LHFPL3: variants seen among roughly 807,000 people sequenced by gnomAD.
The protein encoded by LHFPL3 is LHFPL tetraspan subfamily member 3.
In LHFPL3, 5 loss-of-function variants were observed where a neutral mutation model predicts 19.3. The ratio of observed to expected loss-of-function variants is 0.26; its 90% CI spans 0.14 to 0.54. The LOEUF (loss-of-function observed/expected upper bound fraction) is 0.54, where lower values mean the gene tolerates loss of function less well. Among genes scored for constraint, LHFPL3 ranks in the 20% least tolerant of loss-of-function variants. The pLI, the probability that LHFPL3 is intolerant of heterozygous loss-of-function variation, is 0.94. For missense variants in LHFPL3, 249 were observed against 307.4 expected (o/e 0.81, Z 1.42); for synonymous variants, 133 against 126.2 (o/e 1.05, Z -0.36).
At chr7:104,725,764 A>C (rs1319805107) in intron 1 of LHFPL3, among the ~76,000 whole-genome samples, 1 of 152,218 alleles carries the variant, frequency 6.6e-6, no homozygotes, top group Non-Finnish European at 1.5e-5. Context: ...TTTAAGAATT[A>C]TTCTCGGCAG....
intron 1 of LHFPL3, among the ~76,000 whole-genome samples, chr7:104,516,811 A>G (rs1042060590): frequency 1.3e-5 from 2 of 152,154 alleles, no homozygotes; most frequent in Admixed American, 1.3e-4. Context: ...ACCCAAAGGA[A>G]TATAAATCAT....
intron 2 of LHFPL3, among the ~76,000 whole-genome samples, chr7:104,758,387 A>G (rs535093037): frequency 2.0e-5 from 3 of 152,298 alleles, no homozygotes; most frequent in Non-Finnish European, 2.9e-5. Flanking sequence ...AAATAAAAAT[A>G]AAGCTAGCAA....
chr7:104,858,902 C>T (rs1234351127), intron 2 of LHFPL3, among the ~76,000 whole-genome samples: 2 of 152,008 alleles, frequency 1.3e-5, no homozygotes, highest in African/African-American at 4.8e-5. Flanking sequence ...ACTACCTGCA[C>T]ATGCCATACC....
intron 1 of LHFPL3, among the ~76,000 whole-genome samples, chr7:104,421,420 T>C (rs1480826097): frequency 6.6e-6 from 1 of 152,198 alleles, no homozygotes; most frequent in East Asian, 1.9e-4. Flanking sequence ...AGCTGGTTTT[T>C]TCAAGTAGTA....
intron 1 of LHFPL3, among the ~76,000 whole-genome samples, chr7:104,516,689 T>C (rs189748782): frequency 1.3e-5 from 2 of 152,128 alleles, no homozygotes; most frequent in African/African-American, 4.8e-5. Flanking sequence ...GCTTATACAC[T>C]GTTGGTGGGA....
intron 1 of LHFPL3, among the ~76,000 whole-genome samples, chr7:104,634,449 C>A (rs1418732798): frequency 6.6e-6 from 1 of 152,184 alleles, no homozygotes; most frequent in Non-Finnish European, 1.5e-5. Flanking sequence ...ACCTTTATCA[C>A]CTCCTCACAG....
At chr7:104,507,461 G>C (rs1169729376) in intron 1 of LHFPL3, among the ~76,000 whole-genome samples, 2 of 109,090 alleles carry the variant, frequency 1.8e-5, no homozygotes, top group Non-Finnish European at 3.9e-5. Context: ...CTCAATTCAA[G>C]ATGGATTAAA....
At chr7:104,786,862 A>C (rs557041621) in intron 2 of LHFPL3, among the ~76,000 whole-genome samples, 11 of 152,336 alleles carry the variant, frequency 7.2e-5, no homozygotes, top group African/African-American at 2.6e-4. Flanking sequence ...CATTACTAAA[A>C]AATTAACTTT....
intron 1 of LHFPL3, among the ~76,000 whole-genome samples, chr7:104,371,268 T>C (rs1790609322): frequency 6.6e-6 from 1 of 152,234 alleles, no homozygotes; most frequent in South Asian, 2.1e-4. Flanking sequence ...TAATCTTGTC[T>C]CCCATTTTCA....
intron 2 of LHFPL3, among the ~76,000 whole-genome samples, chr7:104,811,534 G>A (rs961097614): frequency 6.6e-6 from 1 of 152,052 alleles, no homozygotes; most frequent in Admixed American, 6.6e-5. Context: ...TCAGTCAAGA[G>A]AGCAAGGATG....
chr7:104,853,822 C>A (rs1379292764), intron 2 of LHFPL3, among the ~76,000 whole-genome samples: 1 of 152,156 alleles, frequency 6.6e-6, no homozygotes, highest in East Asian at 1.9e-4. Context: ...TGGAGATAAT[C>A]ATCTTTGCCT....
chr7:104,387,215 G>T (rs2116463426), intron 1 of LHFPL3, among the ~76,000 whole-genome samples: 1 of 152,034 alleles, frequency 6.6e-6, no homozygotes, highest in East Asian at 1.9e-4. Flanking sequence ...GAATTGAAAA[G>T]TACATGGCCA....
chr7:104,818,268 G>A (rs977191058), intron 2 of LHFPL3, among the ~76,000 whole-genome samples: 1 of 151,888 alleles, frequency 6.6e-6, no homozygotes, highest in Admixed American at 6.6e-5. Context: ...GTAACCTATT[G>A]AAATTGTCAC....
At chr7:104,504,517 A>T (rs1562918573) in intron 1 of LHFPL3, among the ~76,000 whole-genome samples, 1 of 152,218 alleles carries the variant, frequency 6.6e-6, no homozygotes, top group Non-Finnish European at 1.5e-5. Context: ...TTTTGAATTC[A>T]GCAGTGATGT....
intron 2 of LHFPL3, among the ~76,000 whole-genome samples, chr7:104,904,169 G>A (rs1792550197): frequency 6.6e-6 from 1 of 152,102 alleles, no homozygotes; most frequent in Non-Finnish European, 1.5e-5. Context: ...TGTAGTCTGG[G>A]TATATTAAAG....
intron 1 of LHFPL3, among the ~76,000 whole-genome samples, chr7:104,536,430 TA>T (rs547195970): frequency 2.2e-4 from 33 of 152,308 alleles, no homozygotes; most frequent in African/African-American, 7.7e-4. Flanking sequence ...CTTTAATACC[TA>T]GCATTTCATC....
chr7:104,624,120 G>C (rs1275181163), intron 1 of LHFPL3, among the ~76,000 whole-genome samples: 1 of 152,178 alleles, frequency 6.6e-6, no homozygotes, highest in Non-Finnish European at 1.5e-5. Context: ...TTGGATATTA[G>C]AGGGTTTTTC....
At chr7:104,815,747 G>A (rs1272615244) in intron 2 of LHFPL3, among the ~76,000 whole-genome samples, 2 of 152,102 alleles carry the variant, frequency 1.3e-5, no homozygotes, top group Non-Finnish European at 2.9e-5. Context: ...ACACAGTAGA[G>A]TCTCATGCCC....
At chr7:104,482,652 CTTG>C (rs1322165144) in intron 1 of LHFPL3, among the ~76,000 whole-genome samples, 19 of 152,202 alleles carry the variant, frequency 1.2e-4, no homozygotes, top group African/African-American at 4.6e-4. Flanking sequence ...TTTTGCTTTT[CTTG>C]TTGTTCCTTC....
Sources: allele counts gnomAD v4.1 joint callset (sites outside exome capture counted in the v4.1 genomes callset), GRCh38; gene constraint gnomAD v4.1.1; transcripts MANE v1.5; gene names NCBI Gene and HGNC (gene_info 2026-07-23, HGNC 2026-07-21).